The following ATF6 variants were observed in gnomAD, a reference collection of about 807,000 sequenced individuals.
ATF6 encodes the protein activating transcription factor 6, also known as cyclic AMP-dependent transcription factor ATF-6 alpha.
A neutral mutation model predicts 83.6 loss-of-function variants in ATF6; 53 were observed. The observed-to-expected ratio is 0.63, with a 90% CI of 0.51 to 0.80. The LOEUF (loss-of-function observed/expected upper bound fraction) is 0.80, where lower values mean the gene tolerates loss of function less well. ATF6 is among the 30% of genes least tolerant of loss of function. The probability of loss-of-function intolerance (pLI) is 0.00; values close to 1 mark genes in which losing one functional copy is unlikely to be tolerated. For missense variants in ATF6, 744 were observed against 797.9 expected, an observed-to-expected ratio of 0.93 and a Z score of 0.81; for synonymous variants, 288 against 285.8, an observed-to-expected ratio of 1.01 and a Z score of -0.08.
intron 1 of ATF6, among the ~76,000 whole-genome samples, chr1:161,773,643 A>G (rs1241010048): frequency 2.6e-5 from 4 of 152,236 alleles, no homozygotes; most frequent in Non-Finnish European, 5.9e-5. Context: ...TATTAAACTT[A>G]TAAGGAGTAA....
intron 15 of ATF6, among the ~76,000 whole-genome samples, chr1:161,924,328 G>A (rs1185118833): frequency 6.6e-6 from 1 of 152,152 alleles, no homozygotes; most frequent in Admixed American, 6.5e-5. Flanking sequence ...AGACATGGTA[G>A]TTTTCATTGA....
chr1:161,778,518 C>T (rs1221009248), intron 2 of ATF6, among the ~76,000 whole-genome samples, 198 bp downstream of exon 2: 1 of 152,076 alleles, frequency 6.6e-6, no homozygotes, highest in African/African-American at 2.4e-5. Flanking sequence ...CATTGTATTG[C>T]AATTCTAGGC....
At chr1:161,804,846 CTG>C (rs1387896710) in intron 7 of ATF6, among the ~76,000 whole-genome samples, 1 of 151,954 alleles carries the variant, frequency 6.6e-6, no homozygotes, top group Non-Finnish European at 1.5e-5. Flanking sequence ...GTGTGAAAGA[CTG>C]TGTCTGTTCA....
chr1:161,950,949 C>T (rs1047161551), intron 15 of ATF6, among the ~76,000 whole-genome samples: 3 of 152,168 alleles, frequency 2.0e-5, no homozygotes, highest in African/African-American at 7.2e-5. Flanking sequence ...AAACCTCCCA[C>T]AGTTGTGGGC....
intron 9 of ATF6, among the ~76,000 whole-genome samples, chr1:161,842,307 AT>A (rs113597083): frequency 0.022 from 3,344 of 152,272 alleles, 122 homozygotes; most frequent in African/African-American, 0.077. Flanking sequence ...CAGTGTGGAG[AT>A]TCCTTAAAGA....
intron 1 of ATF6, among the ~76,000 whole-genome samples, chr1:161,776,599 A>G (rs1684519716): frequency 6.6e-6 from 1 of 152,064 alleles, no homozygotes; most frequent in African/African-American, 2.4e-5. Flanking sequence ...AGAGAAGTAA[A>G]TAATTAAGTA....
chr1:161,955,776 T>C (rs1688955356), intron 15 of ATF6, among the ~76,000 whole-genome samples: 1 of 152,198 alleles, frequency 6.6e-6, no homozygotes, highest in South Asian at 2.1e-4. Flanking sequence ...GCTTCCTGAC[T>C]TCAGCTTCAG....
At chr1:161,812,649 C>T (rs904741294) in intron 7 of ATF6, among the ~76,000 whole-genome samples, 2 of 152,054 alleles carry the variant, frequency 1.3e-5, no homozygotes, top group Non-Finnish European at 2.9e-5. Context: ...GCCTCGGCCT[C>T]CCAAAGTGCT....
intron 6 of ATF6, among the ~76,000 whole-genome samples, chr1:161,796,100 G>A (rs550259638): frequency 2.6e-5 from 4 of 152,206 alleles, no homozygotes; most frequent in Admixed American, 1.3e-4. Flanking sequence ...TGTGTGATGC[G>A]GTCGTCTCAG....
chr1:161,828,418 T>A (rs1160371551), intron 9 of ATF6, among the ~76,000 whole-genome samples: 1 of 152,160 alleles, frequency 6.6e-6, no homozygotes, highest in Non-Finnish European at 1.5e-5. Flanking sequence ...TTGGAAGTGG[T>A]GCTTGTTCTG....
intron 14 of ATF6, among the ~76,000 whole-genome samples, chr1:161,907,948 G>T (rs1351250428): frequency 6.6e-6 from 1 of 152,134 alleles, no homozygotes; most frequent in Non-Finnish European, 1.5e-5. Flanking sequence ...CAATCTGAGG[G>T]CAGACTATTA....
At chr1:161,896,841 T>C (rs1380737169) in intron 14 of ATF6, among the ~76,000 whole-genome samples, 1 of 152,150 alleles carries the variant, frequency 6.6e-6, no homozygotes, top group Non-Finnish European at 1.5e-5. Flanking sequence ...GTTTTATAGA[T>C]GAAGAAATTT....
intron 15 of ATF6, among the ~76,000 whole-genome samples, chr1:161,952,984 G>A (rs181120069): frequency 2.0e-5 from 3 of 152,064 alleles, no homozygotes; most frequent in East Asian, 1.9e-4. Flanking sequence ...GGCTAGTCAC[G>A]TGATGTCTCC....
chr1:161,784,986 A>C (rs1465519978), intron 4 of ATF6, among the ~76,000 whole-genome samples: 1 of 152,214 alleles, frequency 6.6e-6, no homozygotes, highest in Non-Finnish European at 1.5e-5. Context: ...CAGTCCTTAC[A>C]AGGATGAAAT....
intron 4 of ATF6, among the ~76,000 whole-genome samples, chr1:161,791,086 C>A (rs200391137): frequency 1.2e-5 from 1 of 86,226 alleles, no homozygotes; most frequent in Non-Finnish European, 2.2e-5. Flanking sequence ...GTGTGTGTCT[C>A]TGTGTGTGTG....
intron 15 of ATF6, among the ~76,000 whole-genome samples, chr1:161,951,005 A>G (rs1189580274): frequency 2.6e-5 from 4 of 152,206 alleles, no homozygotes; most frequent in Non-Finnish European, 5.9e-5. Flanking sequence ...AAGCAAATCT[A>G]ATACCATTAG....
intron 14 of ATF6, among the ~76,000 whole-genome samples, chr1:161,901,462 T>A (rs1240413719): frequency 7.3e-5 from 11 of 151,724 alleles, no homozygotes; most frequent in Admixed American, 6.6e-4. Context: ...TTAAATAACA[T>A]TTTTAATGGA....
At chr1:161,786,793 A>G (rs1170394945) in intron 4 of ATF6, among the ~76,000 whole-genome samples, 2 of 152,210 alleles carry the variant, frequency 1.3e-5, no homozygotes, top group African/African-American at 4.8e-5. Flanking sequence ...ATATGTTACT[A>G]TAATCTAACC....
chr1:161,944,293 T>C (rs1449182083), intron 15 of ATF6, among the ~76,000 whole-genome samples: 1 of 152,208 alleles, frequency 6.6e-6, no homozygotes, highest in Non-Finnish European at 1.5e-5. Flanking sequence ...TCCCTTGGAC[T>C]GTCTCCAAGC....
Sources: gnomAD v4.1 joint callset for allele counts (sites outside exome capture counted in the v4.1 genomes callset) on GRCh38, gnomAD v4.1.1 for gene constraint, MANE v1.5 for transcripts, NCBI Gene and HGNC (gene_info 2026-07-23, HGNC 2026-07-21) for gene names.